KCND2: variants seen among roughly 807,000 people sequenced by gnomAD.
The protein encoded by KCND2 is A-type voltage-gated potassium channel KCND2.
A neutral mutation model predicts 54.4 loss-of-function variants in KCND2; 16 were observed. The observed-to-expected ratio is 0.29, with a 90% CI of 0.20 to 0.45. The LOEUF (loss-of-function observed/expected upper bound fraction) is 0.45, where lower values mean the gene tolerates loss of function less well. Among genes scored for constraint, KCND2 ranks in the 20% least tolerant of loss-of-function variants. KCND2 has a pLI of 1.00. For missense variants in KCND2, 486 were observed against 824.2 expected, an observed-to-expected ratio of 0.59 and a Z score of 5.02; for synonymous variants, 317 against 310.7, an observed-to-expected ratio of 1.02 and a Z score of -0.21.
chr7:120,486,878 A>G (rs930075205), intron 1 of KCND2, among the ~76,000 whole-genome samples: 2 of 152,082 alleles, frequency 1.3e-5, no homozygotes, highest in South Asian at 2.1e-4. Flanking sequence ...AGGAAAATCA[A>G]TGTTAGCTTT....
chr7:120,360,022 G>A (rs1800571128), intron 1 of KCND2, among the ~76,000 whole-genome samples: 1 of 152,028 alleles, frequency 6.6e-6, no homozygotes, highest in Non-Finnish European at 1.5e-5. Context: ...CTCAATCTCA[G>A]TTTTGTCTTT....
At chr7:120,483,531 C>T (rs1000553550) in intron 1 of KCND2, among the ~76,000 whole-genome samples, 1 of 152,050 alleles carries the variant, frequency 6.6e-6, no homozygotes, top group Non-Finnish European at 1.5e-5. Context: ...GTGAAGGATT[C>T]CTGAAAATAT....
chr7:120,359,316 T>C (rs1464673737), intron 1 of KCND2, among the ~76,000 whole-genome samples: 1 of 152,148 alleles, frequency 6.6e-6, no homozygotes, highest in Non-Finnish European at 1.5e-5. Context: ...AGATAATACA[T>C]GTGAGGAAGG....
At chr7:120,286,857 G>T (rs1027796078) in intron 1 of KCND2, among the ~76,000 whole-genome samples, 1 of 151,928 alleles carries the variant, frequency 6.6e-6, no homozygotes, top group South Asian at 2.1e-4. Context: ...GTTTATTGTC[G>T]AATAAACAGA....
intron 1 of KCND2, among the ~76,000 whole-genome samples, chr7:120,495,604 T>A (rs1016707824): frequency 6.6e-6 from 1 of 152,162 alleles, no homozygotes; most frequent in Admixed American, 6.5e-5. Flanking sequence ...AAAGTTACAA[T>A]TTTAGATTTG....
intron 1 of KCND2, among the ~76,000 whole-genome samples, chr7:120,425,073 G>A (rs1377557656): frequency 3.3e-5 from 5 of 152,040 alleles, no homozygotes; most frequent in Admixed American, 2.0e-4. Flanking sequence ...TTTTCAAAGG[G>A]GTACATGCAT....
chr7:120,399,880 C>T (rs1043391170), intron 1 of KCND2, among the ~76,000 whole-genome samples: 7 of 151,928 alleles, frequency 4.6e-5, no homozygotes, highest in African/African-American at 1.7e-4. Flanking sequence ...TGCCTGCCAC[C>T]ACGCCTGACA....
At chr7:120,626,127 AC>A (rs1211392974) in intron 1 of KCND2, among the ~76,000 whole-genome samples, 2 of 152,120 alleles carry the variant, frequency 1.3e-5, no homozygotes, top group African/African-American at 4.8e-5. Context: ...TCGATCATGT[AC>A]TTTTCTTGAA....
At chr7:120,708,040 A>G (rs1032343535) in intron 1 of KCND2, among the ~76,000 whole-genome samples, 5 of 152,144 alleles carry the variant, frequency 3.3e-5, no homozygotes, top group African/African-American at 4.8e-5. Context: ...AGATGATACA[A>G]GAGGTTTTTT....
rs1342485524 is a variant in KCND2 at position 120,354,688 on chromosome 7, A to G, written c.1115+78941A>G. Among the ~76,000 whole-genome samples the G allele has an allele frequency of 1.3e-5, 2 of 152,204 alleles. 1 individual carries two copies. The highest frequency in any genetic ancestry group is 2.9e-5 in the Non-Finnish European group (2 of 68,026). ...ATCACTTGAGGCCAGAAGTTCAAGG[A>G]TGCAGTGAGCTATGATGGCGCCACT... On this transcript the variant is annotated intron_variant, in intron 1 of 5. Coordinates refer to ENST00000331113, the MANE Select transcript of KCND2 (RefSeq NM_012281.3).
intron 1 of KCND2, among the ~76,000 whole-genome samples, chr7:120,647,067 A>G (rs1793451155): frequency 1.3e-5 from 2 of 152,352 alleles, no homozygotes; most frequent in East Asian, 3.9e-4. Context: ...TGAAGTAATA[A>G]TTTCTATAAT....
intron 1 of KCND2, among the ~76,000 whole-genome samples, chr7:120,422,483 G>A (rs988145348): frequency 6.6e-6 from 1 of 152,066 alleles, no homozygotes; most frequent in African/African-American, 2.4e-5. Flanking sequence ...CTTTTCTGTG[G>A]GCATCTGGCA....
intron 1 of KCND2, among the ~76,000 whole-genome samples, chr7:120,535,918 G>C (rs2116371926): frequency 6.6e-6 from 1 of 152,176 alleles, no homozygotes; most frequent in East Asian, 1.9e-4. Context: ...GTGGGGGTAG[G>C]CAGCTGCAAG....
At chr7:120,506,755 A>G (rs1337645343) in intron 1 of KCND2, among the ~76,000 whole-genome samples, 1 of 151,916 alleles carries the variant, frequency 6.6e-6, no homozygotes, top group African/African-American at 2.4e-5. Flanking sequence ...CGGATGCAAT[A>G]CAAAGATAAC....
At chr7:120,628,524 A>T (rs531902426) in intron 1 of KCND2, among the ~76,000 whole-genome samples, 31 of 152,208 alleles carry the variant, frequency 2.0e-4, no homozygotes, top group Non-Finnish European at 4.1e-4. Context: ...TAATTTTTCA[A>T]TGATTGCTTC....
chr7:120,342,066 G>A (rs577379034), intron 1 of KCND2, among the ~76,000 whole-genome samples: 4 of 151,926 alleles, frequency 2.6e-5, no homozygotes, highest in Non-Finnish European at 5.9e-5. Context: ...TTTGACTCAT[G>A]TGTTGATATT....
At chr7:120,319,978 A>G (rs1436637900) in intron 1 of KCND2, among the ~76,000 whole-genome samples, 1 of 152,092 alleles carries the variant, frequency 6.6e-6, no homozygotes, top group Non-Finnish European at 1.5e-5. Flanking sequence ...GTTTAGGCCT[A>G]TGAAAATGCA....
intron 1 of KCND2, among the ~76,000 whole-genome samples, chr7:120,597,796 G>A (rs1792764240): frequency 6.6e-6 from 1 of 152,078 alleles, no homozygotes; most frequent in African/African-American, 2.4e-5. Flanking sequence ...GGCTATTTGG[G>A]TAATATACAT....
chr7:120,528,231 G>T (rs936717532), intron 1 of KCND2, among the ~76,000 whole-genome samples: 1 of 152,032 alleles, frequency 6.6e-6, no homozygotes, highest in Non-Finnish European at 1.5e-5. Context: ...AGCAGTTATA[G>T]AATTGAGACT....
Sources: gnomAD v4.1 joint callset for allele counts (sites outside exome capture counted in the v4.1 genomes callset) on GRCh38, gnomAD v4.1.1 for gene constraint, MANE v1.5 for transcripts, NCBI Gene and HGNC (gene_info 2026-07-23, HGNC 2026-07-21) for gene names.